SLC22A23: variants seen among roughly 807,000 people sequenced by gnomAD.
The protein encoded by SLC22A23 is ion transporter protein.
A neutral mutation model predicts 61.0 loss-of-function variants in SLC22A23; 26 were observed. The ratio of observed to expected loss-of-function variants is 0.43; its 90% CI spans 0.31 to 0.59. SLC22A23 has a LOEUF of 0.59. Ranked by LOEUF, SLC22A23 falls within the 20% of genes least tolerant of loss-of-function variation. The probability of loss-of-function intolerance (pLI) is 0.11; values close to 1 mark genes in which losing one functional copy is unlikely to be tolerated. For missense variants in SLC22A23, 796 were observed against 934.7 expected, an observed-to-expected ratio of 0.85 and a Z score of 1.94; for synonymous variants, 430 against 413.9, an observed-to-expected ratio of 1.04 and a Z score of -0.47.
At chr6:3,283,038 C>T (rs891393459) in intron 9 of SLC22A23, among the ~76,000 whole-genome samples, 21 of 152,196 alleles carry the variant, frequency 1.4e-4, no homozygotes, top group South Asian at 4.1e-4. Flanking sequence ...GTGTCTGGCG[C>T]GCAGTGGGCT....
chr6:3,284,879 A>G, intron 8 of SLC22A23, 200 bp downstream of exon 8: 1 of 1,531,022 alleles, frequency 6.5e-7, no homozygotes, highest in Non-Finnish European at 8.8e-7. Flanking sequence ...GGGAAGCACC[A>G]GTCGCTCTTT....
intron 1 of SLC22A23, among the ~76,000 whole-genome samples, chr6:3,453,515 A>T (rs907584561): frequency 6.6e-6 from 1 of 152,156 alleles, no homozygotes; most frequent in African/African-American, 2.4e-5. Context: ...AACTGGCTTG[A>T]CAGTTTCACG....
chr6:3,285,281 A>G (rs577463948), intron 7 of SLC22A23, among the ~76,000 whole-genome samples, 170 bp from the exon 8 acceptor site: 1 of 152,234 alleles, frequency 6.6e-6, no homozygotes, highest in South Asian at 2.1e-4. Flanking sequence ...AGTGGAATTC[A>G]TACTGCGCTA....
chr6:3,404,385 C>T (rs1274436095), intron 3 of SLC22A23, among the ~76,000 whole-genome samples: 1 of 152,216 alleles, frequency 6.6e-6, no homozygotes, highest in Non-Finnish European at 1.5e-5. Flanking sequence ...CTCACATTTC[C>T]ATTTTTAATA....
intron 4 of SLC22A23, among the ~76,000 whole-genome samples, chr6:3,301,723 G>A (rs1168445869): frequency 1.3e-5 from 2 of 152,218 alleles, no homozygotes; most frequent in Non-Finnish European, 2.9e-5. Flanking sequence ...GCAGGGCAGA[G>A]CTTCCACAAG....
In SLC22A23 at chr6:3,318,654, A is replaced by G. The variant is rs1468448461; in HGVS notation, c.1082+5180T>C. ...GAGTAATAAATGATCTTTCAATGGC[A>G]ATTGTCTCCTGGCCTGCTGACCTCA... On this transcript the variant is annotated intron_variant, in intron 4 of 9. Transcript: ENST00000406686. This position sits in a 1 kb window ranked among gnomAD's most constrained non-coding sequence, Gnocchi z 4.3. 6.6e-6 allele frequency among the ~76,000 whole-genome samples: 1 copy of G among 152,112 alleles called. No individual in the cohort carries two copies. Among genetic ancestry groups the G allele is most frequent in the Non-Finnish European group, 1.5e-5 (1 of 68,006 alleles).
intron 4 of SLC22A23, among the ~76,000 whole-genome samples, chr6:3,311,313 G>A (rs1762355399): frequency 6.6e-6 from 1 of 152,238 alleles, no homozygotes; most frequent in African/African-American, 2.4e-5. Flanking sequence ...AGGCTGCAGT[G>A]AGGGTGCTTC....
chr6:3,311,951 G>C (rs762580316), intron 4 of SLC22A23: 2 of 152,170 alleles, frequency 1.3e-5, no homozygotes, highest in African/African-American at 2.4e-5. Context: ...ACGGCACCAA[G>C]GTCTTGCCTG....
intron 3 of SLC22A23, among the ~76,000 whole-genome samples, chr6:3,365,508 G>T (rs1212881350): frequency 1.3e-5 from 2 of 151,878 alleles, no homozygotes; most frequent in African/African-American, 4.9e-5. Flanking sequence ...CTGAGCCTGA[G>T]TGAGTGAGTG....
intron 3 of SLC22A23, among the ~76,000 whole-genome samples, chr6:3,348,968 T>C (rs1294080407): frequency 6.6e-6 from 1 of 152,194 alleles, no homozygotes; most frequent in Non-Finnish European, 1.5e-5. Context: ...ACTCTGGAAA[T>C]AGTCATCTTT....
At chr6:3,338,074 C>T (rs747993421) in intron 3 of SLC22A23, among the ~76,000 whole-genome samples, 1 of 152,170 alleles carries the variant, frequency 6.6e-6, no homozygotes, top group Non-Finnish European at 1.5e-5. Context: ...ACAAACCTCA[C>T]GAAATAGCCC....
chr6:3,304,600 T>C lies in SLC22A23; in HGVS notation c.1083-6382A>G, dbSNP rs567353646. Among the ~76,000 whole-genome samples the C allele has an allele frequency of 3.0e-4, 46 of 152,274 alleles. No homozygotes were observed. Among genetic ancestry groups the C allele is most frequent in the African/African-American group, 1.1e-3 (46 of 41,564 alleles). The stretch of plus-strand genomic sequence containing the variant: ...TTTGTCACTACTCACTCAAATCCAC[T>C]GAGCGAGTTGGATAGAAGCCCGCAT... On this transcript the variant is annotated intron_variant, in intron 4 of 9. Coordinates refer to ENST00000406686, the MANE Select transcript of SLC22A23 (RefSeq NM_015482.2). This position sits in a 1 kb window ranked among gnomAD's most constrained non-coding sequence, Gnocchi z 4.3.
At chr6:3,277,424 T>A (rs1759011950) in intron 9 of SLC22A23, among the ~76,000 whole-genome samples, 1 of 144,282 alleles carries the variant, frequency 6.9e-6, no homozygotes, top group African/African-American at 2.6e-5. Flanking sequence ...CAGCCTCACC[T>A]CCTCCCGCCG....
In SLC22A23 at chr6:3,454,697, G is replaced by A. The variant is rs1192361132; in HGVS notation, c.654+1209C>T. ...AAGGACCTTCCCCATTACCTTGCAG[G>A]GCAGCAGGGGCAGCTCAGTCAGACA... On this transcript the variant is annotated intron_variant, in intron 1 of 9. Transcript: ENST00000406686. This position sits in a 1 kb window ranked among gnomAD's most constrained non-coding sequence, Gnocchi z 4.3. Among the ~76,000 whole-genome samples, 1 of 152,126 alleles carries A rather than the reference G, an allele frequency of 6.6e-6. No individual in the cohort carries two copies. The highest frequency in any genetic ancestry group is 6.5e-5 in the Admixed American group (1 of 15,274).
chr6:3,336,901 G>T (rs11963318), intron 3 of SLC22A23, among the ~76,000 whole-genome samples: 32,534 of 151,166 alleles, frequency 0.22, 4,157 homozygotes, highest in African/African-American at 0.35. Flanking sequence ...GGCTCCAGTG[G>T]TCCTCCCACT....
chr6:3,434,751 G>T, intron 1 of SLC22A23, among the ~76,000 whole-genome samples: 1 of 152,196 alleles, frequency 6.6e-6, no homozygotes, highest in East Asian at 1.9e-4. Flanking sequence ...CGAGGGGTGT[G>T]GCCAATCCAC....
rs542972136 is a variant in SLC22A23 at position 3,390,648 on chromosome 6, A to G, written c.913+19540T>C. Among the ~76,000 whole-genome samples, 3 of 152,210 alleles carry G rather than the reference A, an allele frequency of 2.0e-5. No individual in the cohort carries two copies. Among genetic ancestry groups the G allele is most frequent in the Non-Finnish European group, 2.9e-5 (2 of 68,046 alleles). On this transcript the variant is annotated intron_variant, in intron 3 of 9. Coordinates refer to ENST00000406686, the MANE Select transcript of SLC22A23 (RefSeq NM_015482.2). This position sits in a 1 kb window ranked among gnomAD's most constrained non-coding sequence, Gnocchi z 4.0. Reference sequence around the variant, plus strand: ...TACACACTGGGGCCACTATGGTTCTATTTCACTATGGATCAGTTCAATGCA... The same window carrying G: ...TACACACTGGGGCCACTATGGTTCTGTTTCACTATGGATCAGTTCAATGCA...
In SLC22A23 at chr6:3,373,643, GAAA is replaced by G. The variant is rs1313780357; in HGVS notation, c.913+36542_913+36544del. Among the ~76,000 whole-genome samples, 4 of 152,240 alleles carry G rather than the reference GAAA, an allele frequency of 2.6e-5. No individual in the cohort carries two copies. In the East Asian group the frequency reaches 7.7e-4, roughly 29 times the overall value. On this transcript the variant is annotated intron_variant, in intron 3 of 9. Coordinates refer to ENST00000406686, the MANE Select transcript of SLC22A23 (RefSeq NM_015482.2). ...AAAAAGAGAAGAAGAAGAAAAAAAAGAAAGAAGAAGAAGAAAGGAAGAAGAAAA... is the reference window on the plus strand; with the variant it reads ...AAAAAGAGAAGAAGAAGAAAAAAAAGGAAGAAGAAGAAAGGAAGAAGAAAA...
chr6:3,434,105 G>T (rs1771048292), intron 1 of SLC22A23, among the ~76,000 whole-genome samples: 1 of 152,166 alleles, frequency 6.6e-6, no homozygotes, highest in Non-Finnish European at 1.5e-5. Flanking sequence ...CCTGGGGTCA[G>T]GAGTTCGAGA....
Sources: allele counts gnomAD v4.1 joint callset (sites outside exome capture counted in the v4.1 genomes callset), GRCh38; gene constraint gnomAD v4.1.1; non-coding constraint Gnocchi (gnomAD v3.1); transcripts MANE v1.5; gene names NCBI Gene and HGNC (gene_info 2026-07-23, HGNC 2026-07-21).